SLC4A4: variants seen among roughly 807,000 people sequenced by gnomAD.
The protein encoded by SLC4A4 is solute carrier family 4 member 4.
Under a neutral mutation model 111.5 loss-of-function variants are expected in SLC4A4, and 27 were observed. The observed-to-expected ratio is 0.24, with a 90% CI of 0.18 to 0.33. The LOEUF is 0.33. Among genes scored for constraint, SLC4A4 ranks in the 10% least tolerant of loss-of-function variants. The probability of loss-of-function intolerance (pLI) is 1.00; values close to 1 mark genes in which losing one functional copy is unlikely to be tolerated. For synonymous variants in SLC4A4, 443 were observed against 463.4 expected (o/e 0.96, Z 0.57); for missense variants, 909 against 1,315.5 (o/e 0.69, Z 4.78).
rs1307964216 is a variant in SLC4A4, at chr4:71,255,072, A to G, written c.74-148A>G. On this transcript the variant is annotated intron_variant, in intron 2 of 25. Transcript: ENST00000264485. ...ATACTGAAGCTAATTGAAAATTGGG[A>G]GGAAATTTTATTTTTCTAGAGTTTG... is the stretch of plus-strand genomic sequence containing the variant. 3.7e-6 allele frequency: 3 copies of G among 810,772 alleles called. No individual in the cohort carries two copies. In the East Asian group the frequency reaches 7.4e-5, roughly 20 times the overall value. 50.2% of individuals were successfully genotyped at this position (810,772 alleles called of 1,614,324 possible).
rs188609674 is a variant in SLC4A4, at chr4:71,467,461, C to T, written c.1631+884C>T. ...TTTACATGTACTAACTCATTTAATT[C>T]TTACAGCAATCCTGTGAGGTAGGGA... On this transcript the variant is annotated intron_variant, in intron 13 of 25. Transcript: ENST00000264485. 2.2e-3 allele frequency among the ~76,000 whole-genome samples: 328 copies of T among 152,166 alleles called. 5 individuals carry two copies. The highest frequency in any genetic ancestry group is 0.014 in the Admixed American group (213 of 15,260).
chr4:71,161,135 C>A (rs973393020), intron 2 of SLC4A4, among the ~76,000 whole-genome samples: 1 of 152,074 alleles, frequency 6.6e-6, no homozygotes, highest in Non-Finnish European at 1.5e-5. Flanking sequence ...TATGAGTGAG[C>A]CCATATCAGA....
intron 7 of SLC4A4, among the ~76,000 whole-genome samples, chr4:71,424,984 G>A (rs1308566695): frequency 6.6e-6 from 1 of 151,412 alleles, no homozygotes; most frequent in Non-Finnish European, 1.5e-5. Context: ...AAAACTTAAA[G>A]TATAATAATA....
intron 1 of SLC4A4, among the ~76,000 whole-genome samples, chr4:71,189,265 C>T (rs929959250): frequency 2.0e-5 from 3 of 152,192 alleles, no homozygotes; most frequent in Non-Finnish European, 2.9e-5. Context: ...ATACATTAGA[C>T]ACCTTACCCA....
chr4:71,556,115 T>A (rs1408342924), intron 21 of SLC4A4, among the ~76,000 whole-genome samples: 1 of 151,940 alleles, frequency 6.6e-6, no homozygotes, highest in Non-Finnish European at 1.5e-5. Flanking sequence ...TTCAGATTAA[T>A]TTGGTTTTAA....
chr4:71,235,930 G>A (rs1719768462), intron 1 of SLC4A4: 1 of 481,328 alleles, frequency 2.1e-6, no homozygotes, highest in Non-Finnish European at 2.7e-6. Context: ...GTGTATTGTC[G>A]AAGCCGGGTT....
chr4:71,164,376 T>C (rs1369692264), intron 2 of SLC4A4, among the ~76,000 whole-genome samples: 2 of 141,584 alleles, frequency 1.4e-5, no homozygotes, highest in African/African-American at 5.3e-5. Context: ...GGAGACTCTG[T>C]CTCCAAAAAA....
chr4:71,266,214 A>G (rs990450660), intron 3 of SLC4A4, among the ~76,000 whole-genome samples: 2 of 152,190 alleles, frequency 1.3e-5, no homozygotes, highest in Non-Finnish European at 2.9e-5. Flanking sequence ...GAATTTTTGT[A>G]AGCAATGAAC....
At chr4:71,544,512 G>A (rs1735333590) in intron 18 of SLC4A4, among the ~76,000 whole-genome samples, 1 of 151,964 alleles carries the variant, frequency 6.6e-6, no homozygotes, top group South Asian at 2.1e-4. Flanking sequence ...ACACAAATAG[G>A]GAGGAGGGAG....
intron 2 of SLC4A4, among the ~76,000 whole-genome samples, chr4:71,166,916 G>A (rs1744792204): frequency 6.6e-6 from 1 of 152,132 alleles, no homozygotes; most frequent in Non-Finnish European, 1.5e-5. Flanking sequence ...TAGTTCAGAT[G>A]TATTTTTTCC....
chr4:71,447,617 T>C (rs1401723686), intron 8 of SLC4A4, 29 bp from the exon 9 acceptor site: 7 of 1,353,972 alleles, frequency 5.2e-6, no homozygotes, highest in African/African-American at 2.9e-5. Flanking sequence ...ATGTGTGTTA[T>C]AGCCTTTGCT....
At chr4:71,069,039 C>T (rs533091865) in intron 1 of SLC4A4, among the ~76,000 whole-genome samples, 4 of 152,328 alleles carry the variant, frequency 2.6e-5, no homozygotes, top group South Asian at 4.1e-4. Context: ...TTGAGTTACA[C>T]GTTTGTTAGA....
intron 7 of SLC4A4, chr4:71,437,635 A>T (rs1262267233): frequency 1.9e-6 from 1 of 515,222 alleles, no homozygotes; most frequent in African/African-American, 1.9e-5. Context: ...CACAAAGGCA[A>T]GTTTATCACC....
intron 3 of SLC4A4, among the ~76,000 whole-genome samples, chr4:71,333,836 C>T (rs1728209173): frequency 6.6e-6 from 1 of 152,138 alleles, no homozygotes; most frequent in South Asian, 2.1e-4. Context: ...TGCTGATGTT[C>T]AGTCAAGGCT....
chr4:71,552,461 C>A lies in SLC4A4; in HGVS notation c.2695-2679C>A, dbSNP rs114024947. 3.2e-3 allele frequency among the ~76,000 whole-genome samples: 485 copies of A among 151,860 alleles called. 6 individuals carry two copies. The highest frequency in any genetic ancestry group is 0.011 in the African/African-American group (468 of 41,442). On this transcript the variant is annotated intron_variant, in intron 20 of 25. Transcript: ENST00000264485. ...ATTCTGGTTGGACAACTACACTCTA[C>A]CCTTATTTTTAAATTTACCCTTTTC...
At chr4:71,158,097 C>CTGTGTGTGTG (rs139897656) in intron 2 of SLC4A4, among the ~76,000 whole-genome samples, 29 of 137,176 alleles carry the variant, frequency 2.1e-4, no homozygotes, top group African/African-American at 7.4e-4. Context: ...ATCCTTGACT[C>CTGTGTGTGTG]TGTGTGTGTG....
In SLC4A4 at chr4:71,568,526, A is replaced by G. The variant is rs987448694; in HGVS notation, c.*775A>G. 5 of 152,198 alleles carry G rather than the reference A, an allele frequency of 3.3e-5. No homozygotes were observed. The highest frequency in any genetic ancestry group is 1.9e-4 in the East Asian group (1 of 5,138). The allele number at this position is 152,198 out of a possible 1,614,324, so 9.4% of individuals were successfully genotyped here. A position where few individuals can be genotyped will look rare whatever the true frequency, so the allele number is the denominator to read the frequency against. ...CTATGCAACTTTTTTTAACCCTTTA[A>G]TGAACTTATCTGTTGAGTACATTGA... is the stretch of plus-strand genomic sequence containing the variant. On this transcript the variant is annotated 3_prime_UTR_variant, in exon 26 of 26. Transcript: ENST00000264485.
At chr4:71,417,606 A>G (rs1358630310) in intron 7 of SLC4A4, among the ~76,000 whole-genome samples, 1 of 152,154 alleles carries the variant, frequency 6.6e-6, no homozygotes, top group Non-Finnish European at 1.5e-5. Flanking sequence ...ATCTTTTTTA[A>G]AGTGCTGTTG....
intron 2 of SLC4A4, among the ~76,000 whole-genome samples, chr4:71,116,051 C>T (rs1001362223): frequency 5.9e-5 from 9 of 152,106 alleles, no homozygotes; most frequent in African/African-American, 1.2e-4. Flanking sequence ...CACACCACGA[C>T]GCCTGGCTAA....
Sources: gnomAD v4.1 joint callset for allele counts (sites outside exome capture counted in the v4.1 genomes callset) on GRCh38, gnomAD v4.1.1 for gene constraint, MANE v1.5 for transcripts, NCBI Gene and HGNC (gene_info 2026-07-23, HGNC 2026-07-21) for gene names.